PRLR: variants seen among roughly 807,000 people sequenced by gnomAD.
PRLR encodes the protein prolactin receptor, also known as hPRL receptor.
Under a neutral mutation model 40.2 loss-of-function variants are expected in PRLR, and 13 were observed. The ratio of observed to expected loss-of-function variants is 0.32; its 90% CI spans 0.21 to 0.51. The LOEUF (loss-of-function observed/expected upper bound fraction) is 0.51. PRLR is among the 20% of genes least tolerant of loss of function. The pLI is 0.97. For synonymous variants in PRLR, 269 were observed against 278.7 expected, an observed-to-expected ratio of 0.97 and a Z score of 0.35; for missense variants, 656 against 747.3, an observed-to-expected ratio of 0.88 and a Z score of 1.42.
At chr5:35,226,911 G>T (rs1579822722) in intron 1 of PRLR, among the ~76,000 whole-genome samples, 1 of 152,250 alleles carries the variant, frequency 6.6e-6, no homozygotes, top group East Asian at 1.9e-4. Context: ...GCACAAAACA[G>T]AGCTCAGCAA....
intron 1 of PRLR, among the ~76,000 whole-genome samples, chr5:35,201,893 T>C (rs1383108694): frequency 6.6e-6 from 1 of 152,234 alleles, no homozygotes; most frequent in Non-Finnish European, 1.5e-5. Context: ...ATATTAATTT[T>C]TCAGTTTCAG....
Position 35,068,901 on chromosome 5 carries a change from G to T in PRLR, c.686-23C>A, listed in dbSNP as rs757111048. On this transcript the variant is annotated intron_variant, in intron 7 of 9. Coordinates refer to ENST00000618457, the MANE Select transcript of PRLR (RefSeq NM_000949.7). ...AGTCTAAAAAACAAACAGCCAGAAA[G>T]CTTTGATCACGTACAGCATCATTAA... 8 of 1,547,288 alleles carry T rather than the reference G, an allele frequency of 5.2e-6. No individual in the cohort carries two copies. In the South Asian group the frequency reaches 8.9e-5, roughly 17 times the overall value.
At chr5:35,150,933 A>T (rs1039430) in intron 1 of PRLR, among the ~76,000 whole-genome samples, 120,410 of 152,096 alleles carry the variant, frequency 0.79, 50,336 homozygotes, top group Non-Finnish European at 0.92. Flanking sequence ...AGCTACTGAT[A>T]GTTGCTAATA....
intron 1 of PRLR, among the ~76,000 whole-genome samples, chr5:35,221,483 T>C (rs1485694043): frequency 6.6e-6 from 1 of 152,190 alleles, no homozygotes; most frequent in African/African-American, 2.4e-5. Flanking sequence ...AATGATGAAA[T>C]TGCTACTCAA....
intron 1 of PRLR, among the ~76,000 whole-genome samples, chr5:35,175,613 A>G (rs1364448896): frequency 6.6e-6 from 1 of 152,198 alleles, no homozygotes; most frequent in Non-Finnish European, 1.5e-5. Flanking sequence ...GTTTCTAAGA[A>G]CAAGTCTCCT....
chr5:35,106,205 T>C (rs1247376916), intron 2 of PRLR, among the ~76,000 whole-genome samples: 4 of 152,132 alleles, frequency 2.6e-5, no homozygotes, highest in East Asian at 1.9e-4. Context: ...CAGGCCTGCC[T>C]TACAAGAGCT....
intron 2 of PRLR, among the ~76,000 whole-genome samples, chr5:35,103,733 C>T (rs1385636247): frequency 6.6e-6 from 1 of 152,134 alleles, no homozygotes; most frequent in Non-Finnish European, 1.5e-5. Flanking sequence ...GTTTGGGAGA[C>T]AGAAATTAAT....
At position 35,134,074 on chromosome 5, in the gene PRLR, G is replaced by A. The variant is rs534015098; in HGVS notation, c.-105-15952C>T. ...GGTGAGGGATAAAAGACTACAAATT[G>A]GGTTTAATGTATACTGCTCGGGTGA... On this transcript the variant is annotated intron_variant, in intron 1 of 9. Coordinates refer to ENST00000618457, the MANE Select transcript of PRLR (RefSeq NM_000949.7). Among the ~76,000 whole-genome samples, 18 of 152,154 alleles carry A rather than the reference G, an allele frequency of 1.2e-4. No homozygotes were observed. The East Asian group carries it at 3.5e-3, about 29-fold the overall frequency.
intron 2 of PRLR, among the ~76,000 whole-genome samples, chr5:35,114,752 C>T (rs1313562058): frequency 6.6e-6 from 1 of 152,152 alleles, no homozygotes; most frequent in Non-Finnish European, 1.5e-5. Context: ...TCATCAGAAG[C>T]CCACAGAACT....
intron 5 of PRLR, among the ~76,000 whole-genome samples, chr5:35,078,596 CA>C (rs1770276108): frequency 6.6e-6 from 1 of 151,978 alleles, no homozygotes; most frequent in Admixed American, 6.6e-5. Flanking sequence ...AGTCCAGGAC[CA>C]GACGGATTCA....
rs541139403 is a variant in PRLR at position 35,088,691 on chromosome 5, G to A, written c.70+860C>T. Among the ~76,000 whole-genome samples the A allele has an allele frequency of 1.2e-4, 18 of 152,208 alleles. No homozygotes were observed. The East Asian group carries it at 1.4e-3, about 11-fold the overall frequency. ...GGACTTTCTCAATGCACAGAAACAC[G>A]GAGAAAACCACACAGGAACCACATA... On this transcript the variant is annotated intron_variant, in intron 3 of 9. Transcript: ENST00000618457.
chr5:35,151,442 T>C, intron 1 of PRLR, among the ~76,000 whole-genome samples: 1 of 152,156 alleles, frequency 6.6e-6, no homozygotes, highest in Admixed American at 6.5e-5. Context: ...ATTTCATAGA[T>C]GAGCAAGATG....
chr5:35,073,811 T>C (rs1163824053), intron 5 of PRLR, among the ~76,000 whole-genome samples: 1 of 152,180 alleles, frequency 6.6e-6, no homozygotes, highest in Non-Finnish European at 1.5e-5. Context: ...TCATTAGCCT[T>C]CTGGGGAATG....
At chr5:35,114,492 T>C (rs535283540) in intron 2 of PRLR, among the ~76,000 whole-genome samples, 2 of 152,208 alleles carry the variant, frequency 1.3e-5, no homozygotes, top group Non-Finnish European at 2.9e-5. Flanking sequence ...TTACAATTGC[T>C]CCTTGGAACC....
At chr5:35,132,008 C>A (rs891601151) in intron 1 of PRLR, among the ~76,000 whole-genome samples, 1 of 152,188 alleles carries the variant, frequency 6.6e-6, no homozygotes, top group Non-Finnish European at 1.5e-5. Flanking sequence ...ATTTCCCCAG[C>A]AGGAGGGGAA....
At chr5:35,213,838 A>G (rs1042106513) in intron 1 of PRLR, among the ~76,000 whole-genome samples, 11 of 152,168 alleles carry the variant, frequency 7.2e-5, no homozygotes, top group Non-Finnish European at 1.3e-4. Context: ...TCACAAATGG[A>G]AACAGGTATG....
chr5:35,105,599 T>C (rs1274694586), intron 2 of PRLR, among the ~76,000 whole-genome samples: 1 of 152,268 alleles, frequency 6.6e-6, no homozygotes, highest in African/African-American at 2.4e-5. Context: ...CTTCAGTAGC[T>C]GATTTGATCA....
At chr5:35,187,098 T>C (rs1482321580) in intron 1 of PRLR, among the ~76,000 whole-genome samples, 1 of 151,924 alleles carries the variant, frequency 6.6e-6, no homozygotes, top group South Asian at 2.1e-4. Flanking sequence ...GGTATAAGAG[T>C]GCCTACTTCA....
intron 1 of PRLR, among the ~76,000 whole-genome samples, chr5:35,225,328 A>C (rs1776521347): frequency 6.6e-6 from 1 of 152,196 alleles, no homozygotes; most frequent in Non-Finnish European, 1.5e-5. Flanking sequence ...ATCACCTGCT[A>C]ACCAGCAGCA....
Sources: allele counts gnomAD v4.1 joint callset (sites outside exome capture counted in the v4.1 genomes callset), GRCh38; gene constraint gnomAD v4.1.1; transcripts MANE v1.5; gene names NCBI Gene and HGNC (gene_info 2026-07-23, HGNC 2026-07-21).